NCOA2: variants seen among roughly 807,000 people sequenced by gnomAD.
NCOA2 encodes class E basic helix-loop-helix protein 75.
NCOA2 carries 21 observed loss-of-function variants against 145.1 expected under a neutral mutation model. The ratio of observed to expected loss-of-function variants is 0.14; its 90% confidence interval spans 0.10 to 0.21. The LOEUF (loss-of-function observed/expected upper bound fraction) is 0.21, where lower values mean the gene tolerates loss of function less well. Ranked by LOEUF, NCOA2 falls within the 10% of genes least tolerant of loss-of-function variation. The pLI, the probability that NCOA2 is intolerant of heterozygous loss-of-function variation, is 1.00. For synonymous variants in NCOA2, 619 were observed against 637.5 expected (o/e 0.97, Z 0.44); for missense variants, 1,472 against 1,837.6 (o/e 0.80, Z 3.64).
intron 2 of NCOA2, among the ~76,000 whole-genome samples, chr8:70,280,152 C>G (rs1424663742): frequency 6.6e-6 from 1 of 152,180 alleles, no homozygotes; most frequent in African/African-American, 2.4e-5. Context: ...TCAGACAAAG[C>G]ATATGCCCTA....
At chr8:70,139,490 C>T (rs1217108726) in intron 14 of NCOA2, among the ~76,000 whole-genome samples, 2 of 152,108 alleles carry the variant, frequency 1.3e-5, no homozygotes, top group African/African-American at 4.8e-5. Flanking sequence ...GTTTGAGAAT[C>T]ACTCATTAAG....
At position 70,156,493 on chromosome 8, in the gene NCOA2, C is replaced by A. The variant is rs1812307441; in HGVS notation, c.1872G>T (p.Glu624Asp). The A allele has an allele frequency of 6.2e-7, 1 of 1,613,782 alleles. No individual in the cohort carries two copies. Among genetic ancestry groups the A allele is most frequent in the Non-Finnish European group, 8.5e-7 (1 of 1,179,890 alleles). The change falls in exon 11 of 23, where the codon GAG becomes GAT. Residue 624 changes from glutamate to aspartate, a missense_variant. By Grantham distance (45) the Glu-to-Asp change is conservative. This residue lies in a region of NCOA2 where 953 missense variants were observed against 1,062.1 expected (regional missense o/e 0.90). Coordinates refer to ENST00000452400, the MANE Select transcript of NCOA2 (RefSeq NM_006540.4). ...DPNLPPAVSS[E>D]RADGQSRLHD... is the part of the protein sequence containing the mutation. Reference sequence around the variant, plus strand: ...GCAGTCTGCTCTGCCCGTCAGCTCTCTCACTGCTCACGGCCGGGGGCAGGT... The same window carrying A: ...GCAGTCTGCTCTGCCCGTCAGCTCTATCACTGCTCACGGCCGGGGGCAGGT...
chr8:70,183,889 ATGTTG>A (rs1815759515), intron 4 of NCOA2, among the ~76,000 whole-genome samples: 1 of 152,142 alleles, frequency 6.6e-6, no homozygotes, highest in Non-Finnish European at 1.5e-5. Context: ...GCGCTCAATG[ATGTTG>A]TGTTAATACT....
At chr8:70,167,185 C>G (rs1239493839) in intron 6 of NCOA2, among the ~76,000 whole-genome samples, 1 of 152,158 alleles carries the variant, frequency 6.6e-6, no homozygotes, top group Non-Finnish European at 1.5e-5. Context: ...GATAAGTCAG[C>G]CCTGCTCAAA....
At chr8:70,215,370 A>G (rs1321605269) in intron 3 of NCOA2, among the ~76,000 whole-genome samples, 1 of 152,200 alleles carries the variant, frequency 6.6e-6, no homozygotes, top group South Asian at 2.1e-4. Context: ...CAGCTGAAAC[A>G]GTTCCCACTT....
chr8:70,124,731 A>G lies in NCOA2; in HGVS notation c.4051T>C (p.Ser1351Pro). The G allele has an allele frequency of 2.5e-6, 4 of 1,612,910 alleles. No individual in the cohort carries two copies. The highest frequency in any genetic ancestry group is 3.4e-6 in the Non-Finnish European group (4 of 1,179,568). The change falls in exon 20 of 23, where the codon TCC becomes CCC. Residue 1351 changes from serine (S) to proline (P), a missense_variant. By Grantham distance (74) the Ser-to-Pro change is moderately conservative (BLOSUM62 -1). Transcript: ENST00000452400. ...SQANPAYQAPSDINGWAQGNM... is the reference protein window; with the variant it reads ...SQANPAYQAPPDINGWAQGNM... ...CCCTGCGCCCATCCATTTATGTCGG[A>G]GGGGGCCTGATAGGCTGGGTTGGCC...
the NCOA2 span, among the ~76,000 whole-genome samples, chr8:70,411,428 G>A: frequency 1.3e-5 from 2 of 152,058 alleles, no homozygotes; most frequent in Non-Finnish European, 2.9e-5. Flanking sequence ...TAGAATGGGA[G>A]GTCAATATAG....
intron 4 of NCOA2, among the ~76,000 whole-genome samples, chr8:70,178,803 T>C (rs1815151963): frequency 2.0e-5 from 3 of 152,144 alleles, no homozygotes; most frequent in Admixed American, 1.3e-4. Flanking sequence ...AGAAAACAGG[T>C]GGAGACGGAT....
chr8:70,255,347 G>A lies in NCOA2; in HGVS notation c.-19-38583C>T, dbSNP rs959142675. Among the ~76,000 whole-genome samples the A allele has an allele frequency of 2.0e-5, 3 of 152,114 alleles. No individual in the cohort carries two copies. In the East Asian group the frequency reaches 5.8e-4, roughly 29 times the overall value. On this transcript the variant is annotated intron_variant, in intron 2 of 22. Transcript: ENST00000452400. Reference sequence around the variant, plus strand: ...AGAATCATGTATCAACTAAACAAGAGAAACTCACAAAAAGTGTAGAAAAGT... The same window carrying A: ...AGAATCATGTATCAACTAAACAAGAAAAACTCACAAAAAGTGTAGAAAAGT...
chr8:70,341,662 T>A (rs1374455189), intron 1 of NCOA2, among the ~76,000 whole-genome samples: 1 of 152,234 alleles, frequency 6.6e-6, no homozygotes, highest in African/African-American at 2.4e-5. Flanking sequence ...ATATTACTCA[T>A]GACTGCTCTT....
intron 1 of NCOA2, 46 bp from the exon 2 acceptor site, chr8:70,296,846 C>A (rs1435584456): frequency 6.6e-6 from 1 of 152,118 alleles, no homozygotes; most frequent in Non-Finnish European, 1.5e-5. Context: ...TCTGCAGAAT[C>A]CTAAGATTCC....
At chr8:70,450,907 G>C in the NCOA2 span, among the ~76,000 whole-genome samples, 1 of 150,622 alleles carries the variant, frequency 6.6e-6, no homozygotes, top group African/African-American at 2.4e-5. Context: ...CTTAGTTTCA[G>C]TGCTATCTGT....
intron 1 of NCOA2, among the ~76,000 whole-genome samples, chr8:70,368,460 G>A (rs1032504968): frequency 1.6e-4 from 25 of 152,062 alleles, no homozygotes; most frequent in African/African-American, 5.3e-4. Context: ...GACCAAAAAA[G>A]CAAAATGGTG....
chr8:70,290,826 C>T (rs1050963292), intron 2 of NCOA2, among the ~76,000 whole-genome samples: 1 of 151,368 alleles, frequency 6.6e-6, no homozygotes, highest in Non-Finnish European at 1.5e-5. Flanking sequence ...AAAAACAAAA[C>T]TATAAGGTGT....
Position 70,201,271 on chromosome 8 carries a change from A to T in NCOA2, c.259+12632T>A, listed in dbSNP as rs1425859735. Among the ~76,000 whole-genome samples the T allele has an allele frequency of 3.3e-5, 5 of 152,182 alleles. No homozygotes were observed. The East Asian group carries it at 9.6e-4, about 29-fold the overall frequency. On this transcript the variant is annotated intron_variant, in intron 4 of 22. Coordinates refer to ENST00000452400, the MANE Select transcript of NCOA2 (RefSeq NM_006540.4). ...TGTAATTTTGTGAAGTATCCTCTACAGTCACATTCACAGAAAATCTCTTAA... is the reference window on the plus strand; with the variant it reads ...TGTAATTTTGTGAAGTATCCTCTACTGTCACATTCACAGAAAATCTCTTAA...
Position 70,383,666 on chromosome 8 carries a change from T to C in NCOA2, c.-77+20034A>G, listed in dbSNP as rs555593791. Among the ~76,000 whole-genome samples the C allele has an allele frequency of 4.1e-4, 62 of 152,080 alleles. 1 individual carries two copies. Among genetic ancestry groups the C allele is most frequent in the African/African-American group, 1.4e-3 (60 of 41,492 alleles). ...GATTACAGGCATACACCACCACACCTGGCTAATTTTGTATTTTTAGTAGAG... is the reference window on the plus strand; with the variant it reads ...GATTACAGGCATACACCACCACACCCGGCTAATTTTGTATTTTTAGTAGAG... On this transcript the variant is annotated intron_variant, in intron 1 of 22. Transcript: ENST00000452400.
chr8:70,223,095 T>G (rs1820305344), intron 2 of NCOA2, among the ~76,000 whole-genome samples: 1 of 152,098 alleles, frequency 6.6e-6, no homozygotes, highest in Non-Finnish European at 1.5e-5. Context: ...ACGTAAGCAT[T>G]TTCTCTCCCC....
intron 1 of NCOA2, among the ~76,000 whole-genome samples, chr8:70,381,576 G>A (rs1812199534): frequency 6.6e-6 from 1 of 152,254 alleles, no homozygotes; most frequent in Admixed American, 6.5e-5. Context: ...AGCCTAGCAG[G>A]TGAATTGGGA....
At chr8:70,154,770 G>A (rs962943498) in intron 11 of NCOA2, among the ~76,000 whole-genome samples, 1 of 152,158 alleles carries the variant, frequency 6.6e-6, no homozygotes, top group African/African-American at 2.4e-5. Context: ...CTCCTTAGAG[G>A]ATTATCAAGA....
Sources: gnomAD v4.1 joint callset for allele counts (sites outside exome capture counted in the v4.1 genomes callset) on GRCh38, gnomAD v4.1.1 for gene constraint, gnomAD v4.1.1 regional missense constraint, MANE v1.5 for transcripts, NCBI Gene and HGNC (gene_info 2026-07-23, HGNC 2026-07-21) for gene names.